MITF: variants seen among roughly 807,000 people sequenced by gnomAD.
MITF encodes the protein microphthalmia-associated transcription factor.
Under a neutral mutation model 60.5 loss-of-function variants are expected in MITF, and 17 were observed. That is an observed-to-expected ratio of 0.28 (90% CI 0.19 to 0.42). The LOEUF (loss-of-function observed/expected upper bound fraction) is 0.42. Ranked by LOEUF, MITF falls within the 10% of genes least tolerant of loss-of-function variation. The pLI, the probability that MITF is intolerant of heterozygous loss-of-function variation, is 1.00. For synonymous variants in MITF, 260 were observed against 248.5 expected, an observed-to-expected ratio of 1.05 and a Z score of -0.43; for missense variants, 622 against 683.5, an observed-to-expected ratio of 0.91 and a Z score of 1.00.
intron 1 of MITF, among the ~76,000 whole-genome samples, chr3:69,859,116 C>T (rs765539984): frequency 3.1e-4 from 47 of 152,140 alleles, no homozygotes; most frequent in Admixed American, 1.3e-3. Context: ...TGTGTGTCTG[C>T]ATTGAATCAC....
chr3:69,858,380 G>A (rs1454719965), intron 1 of MITF, among the ~76,000 whole-genome samples: 1 of 152,118 alleles, frequency 6.6e-6, no homozygotes, highest in Non-Finnish European at 1.5e-5. Context: ...GATGTCATTA[G>A]TATGAGAGTA....
intron 7 of MITF, among the ~76,000 whole-genome samples, chr3:69,953,534 T>C (rs2066310016): frequency 6.6e-6 from 1 of 151,690 alleles, no homozygotes; most frequent in African/African-American, 2.4e-5. Context: ...AAAGGATACA[T>C]TCATTTATTC....
rs138780962 is a variant in MITF, at chr3:69,744,191, T to G, written c.104+4490T>G. Among the ~76,000 whole-genome samples, 9 of 152,338 alleles carry G rather than the reference T, an allele frequency of 5.9e-5. No homozygotes were observed. The East Asian group carries it at 1.5e-3, about 26-fold the overall frequency. ...TGCGTCACACGCATACCTACATATATTTGGGTGTAAGGCCGCTGCCATTTC... is the reference window on the plus strand; with the variant it reads ...TGCGTCACACGCATACCTACATATAGTTGGGTGTAAGGCCGCTGCCATTTC... On this transcript the variant is annotated intron_variant, in intron 1 of 9. Coordinates refer to ENST00000352241, the MANE Select transcript of MITF (RefSeq NM_001354604.2).
At chr3:69,787,730 A>G (rs1212770106) in intron 1 of MITF, among the ~76,000 whole-genome samples, 1 of 152,028 alleles carries the variant, frequency 6.6e-6, no homozygotes, top group African/African-American at 2.4e-5. Context: ...TATTTCTGAC[A>G]TTGAGCCTCA....
chr3:69,877,515 C>T (rs1054423749), intron 1 of MITF, among the ~76,000 whole-genome samples: 9 of 147,644 alleles, frequency 6.1e-5, no homozygotes, highest in African/African-American at 1.5e-4. Context: ...TTTCTAAGTT[C>T]TTTGTATTGT....
At chr3:69,821,081 A>T (rs892244951) in intron 1 of MITF, among the ~76,000 whole-genome samples, 5 of 152,180 alleles carry the variant, frequency 3.3e-5, no homozygotes, top group Non-Finnish European at 7.3e-5. Flanking sequence ...CTTTCTTGAC[A>T]AAGGTGAGTC....
intron 7 of MITF, among the ~76,000 whole-genome samples, chr3:69,953,816 G>A (rs1251397571): frequency 2.6e-5 from 4 of 151,698 alleles, no homozygotes; most frequent in Non-Finnish European, 5.9e-5. Flanking sequence ...TTGAGTTAGG[G>A]GTCATCTACC....
chr3:69,925,922 T>TTGTTACATTCTTACATTGTATGAGA, intron 2 of MITF, among the ~76,000 whole-genome samples: 1 of 152,200 alleles, frequency 6.6e-6, no homozygotes, highest in South Asian at 2.1e-4. Flanking sequence ...GAGATTCTTA[T>TTGTTACATTCTTACATTGTATGAGA]TCCTTTGTTG....
At chr3:69,865,026 T>C (rs2064085650) in intron 1 of MITF, among the ~76,000 whole-genome samples, 1 of 152,166 alleles carries the variant, frequency 6.6e-6, no homozygotes, top group South Asian at 2.1e-4. Context: ...GACTGTAAAC[T>C]CCACGAATTT....
chr3:69,808,662 C>T (rs2063051637), intron 1 of MITF, among the ~76,000 whole-genome samples: 1 of 151,898 alleles, frequency 6.6e-6, no homozygotes, highest in Admixed American at 6.6e-5. Context: ...GGGAGACTCA[C>T]TCATGGACAT....
At chr3:69,929,127 G>C (rs1291928665) in intron 2 of MITF, among the ~76,000 whole-genome samples, 3 of 152,082 alleles carry the variant, frequency 2.0e-5, no homozygotes, top group African/African-American at 7.2e-5. Context: ...CAGAATCCTA[G>C]CCTACAACCC....
chr3:69,886,926 C>A (rs188619086), intron 2 of MITF, among the ~76,000 whole-genome samples: 6 of 152,080 alleles, frequency 3.9e-5, no homozygotes, highest in African/African-American at 1.4e-4. Context: ...CTTTATAGTT[C>A]TGAGTATTTA....
intron 1 of MITF, among the ~76,000 whole-genome samples, chr3:69,789,291 CA>C (rs1282633863): frequency 6.6e-6 from 1 of 152,018 alleles, no homozygotes; most frequent in African/African-American, 2.4e-5. Flanking sequence ...AACTCAATCA[CA>C]AAAAATAAAA....
chr3:69,918,968 G>T (rs1184666663), intron 2 of MITF, among the ~76,000 whole-genome samples: 1 of 152,098 alleles, frequency 6.6e-6, no homozygotes, highest in East Asian at 1.9e-4. Context: ...TTAGCCTTTT[G>T]TTATGTTTTT....
intron 6 of MITF, among the ~76,000 whole-genome samples, chr3:69,950,487 TAC>T (rs1268124203): frequency 1.2e-3 from 173 of 144,474 alleles, no homozygotes; most frequent in Non-Finnish European, 2.0e-3. Context: ...TGCACACACA[TAC>T]ACACACACAC....
intron 3 of MITF, chr3:69,938,575 T>A (rs545566930): frequency 7.2e-7 from 1 of 1,392,716 alleles, no homozygotes; most frequent in South Asian, 1.8e-5. Flanking sequence ...AAAGGTTTAA[T>A]TGCTGGATAC....
chr3:69,804,684 A>G (rs2062976741), intron 1 of MITF, among the ~76,000 whole-genome samples: 1 of 152,208 alleles, frequency 6.6e-6, no homozygotes, highest in Non-Finnish European at 1.5e-5. Flanking sequence ...TCTAACATGT[A>G]TCATTTCAAT....
intron 2 of MITF, among the ~76,000 whole-genome samples, chr3:69,918,332 G>A (rs2065384096): frequency 6.6e-6 from 1 of 152,140 alleles, no homozygotes; most frequent in Non-Finnish European, 1.5e-5. Context: ...ACAGGTGTGA[G>A]TCACCACGCC....
At position 69,879,163 on chromosome 3, in the gene MITF, A is replaced by G. The variant is rs1312635115; in HGVS notation, c.134A>G (p.Lys45Arg). 20 of 1,614,216 alleles carry G rather than the reference A, an allele frequency of 1.2e-5. No homozygotes were observed. The highest frequency in any genetic ancestry group is 3.3e-5 in the South Asian group (3 of 91,082). The change falls in exon 2 of 10, where the codon AAG (lysine) becomes AGG (arginine). Residue 45 changes from lysine (K) to arginine (R), a missense_variant. Lys to Arg is a conservative substitution (Grantham distance 26). Coordinates refer to ENST00000352241, the MANE Select transcript of MITF (RefSeq NM_001354604.2). ...TCCGCCGAGCATCCTGGGGCCTCCA[A>G]GCCTCCGATAAGCTCCTCCAGTATG... is the stretch of plus-strand genomic sequence containing the variant. Reference protein sequence around the residue: ...SSSAEHPGASKPPISSSSMTS... With the variant: ...SSSAEHPGASRPPISSSSMTS...
Sources: allele counts gnomAD v4.1 joint callset (sites outside exome capture counted in the v4.1 genomes callset), GRCh38; gene constraint gnomAD v4.1.1; transcripts MANE v1.5; gene names NCBI Gene and HGNC (gene_info 2026-07-23, HGNC 2026-07-21).